MCTP2: variants seen among roughly 807,000 people sequenced by gnomAD.
The protein encoded by MCTP2 is multiple C2 and transmembrane domain-containing protein 2.
In MCTP2, 132 loss-of-function variants were observed where a neutral mutation model predicts 111.6. The ratio of observed to expected loss-of-function variants is 1.18; its 90% CI spans 1.03 to 1.37. The LOEUF is 1.37. Among genes scored for constraint, MCTP2 ranks in the 40% most tolerant of loss-of-function variants. The pLI is 0.00. For missense variants in MCTP2, 1,183 were observed against 1,067.9 expected (o/e 1.11, Z -1.50); for synonymous variants, 395 against 387.7 (o/e 1.02, Z -0.22).
Position 94,298,335 on chromosome 15 carries a change from AG to A in MCTP2, c.71del (p.Ser24ThrfsTer5). On this transcript the variant is annotated frameshift_variant, in exon 2 of 23. Coordinates refer to ENST00000357742, the MANE Select transcript of MCTP2 (RefSeq NM_001385001.1). LOFTEE classifies it high-confidence loss of function. The part of the protein sequence containing the change: ...QRTRPLLINL[S>X]KKKVKKNPSK... ...GACCAGGCCATTGTTGATCAACTTGAGCAAGAAGAAGGTGAAAAAGAACCCA... is the reference window on the plus strand; with the variant it reads ...GACCAGGCCATTGTTGATCAACTTGACAAGAAGAAGGTGAAAAAGAACCCA... 1.2e-6 allele frequency: 2 copies of A among 1,614,108 alleles called. No individual in the cohort carries two copies. The highest frequency in any genetic ancestry group is 2.7e-5 in the African/African-American group (2 of 75,012).
intron 2 of MCTP2, among the ~76,000 whole-genome samples, chr15:94,301,727 A>C (rs34997790): frequency 0.67 from 101,168 of 152,062 alleles, 33,685 homozygotes; most frequent in East Asian, 0.73. Flanking sequence ...TTTTGAAAAA[A>C]TACTCAATTT....
chr15:94,320,362 C>T (rs935788427), intron 4 of MCTP2, among the ~76,000 whole-genome samples: 11 of 151,994 alleles, frequency 7.2e-5, no homozygotes, highest in Admixed American at 3.3e-4. Context: ...AGGATGGTCT[C>T]GATCTCCTGA....
At chr15:94,268,050 A>G (rs1228203479) in intron 1 of MCTP2, among the ~76,000 whole-genome samples, 6 of 148,974 alleles carry the variant, frequency 4.0e-5, no homozygotes, top group Non-Finnish European at 8.9e-5. Context: ...CATTTTCAGT[A>G]GAGATGAGGT....
Position 94,298,747 on chromosome 15 carries a change from GCT to G in MCTP2, c.465+22_465+23del, listed in dbSNP as rs1267817307. 4 of 1,519,242 alleles carry G rather than the reference GCT, an allele frequency of 2.6e-6. No homozygotes were observed. The highest frequency in any genetic ancestry group is 2.2e-5 in the Admixed American group (1 of 46,196). The allele number at this position is 1,519,242 out of a possible 1,614,324, so 94.1% of individuals were successfully genotyped here. ...GAGCCAGAGGTGAGAATAGGGCTGG[GCT>G]CTCTTTTTTTTTGTCTCTCTCTCTC... On this transcript the variant is annotated intron_variant, in intron 2 of 22. Transcript: ENST00000357742.
At chr15:94,298,108 G>A (rs2075359049) in intron 1 of MCTP2, 93 bp from the exon 2 acceptor site, 2 of 520,498 alleles carry the variant, frequency 3.8e-6, no homozygotes, top group Non-Finnish European at 3.3e-6. Flanking sequence ...TTTGAGTCGT[G>A]TTTCTCACTT....
At chr15:94,357,278 G>A (rs1409499933) in intron 9 of MCTP2, among the ~76,000 whole-genome samples, 1 of 152,164 alleles carries the variant, frequency 6.6e-6, no homozygotes, top group East Asian at 1.9e-4. Context: ...TGAAAATTGA[G>A]GGTGTATTAA....
intron 1 of MCTP2, among the ~76,000 whole-genome samples, chr15:94,282,081 A>G (rs1009819346): frequency 2.6e-5 from 4 of 151,972 alleles, no homozygotes; most frequent in African/African-American, 9.7e-5. Flanking sequence ...TTGCAGGTTG[A>G]CCTCTTTAGT....
chr15:94,421,887 A>G (rs1264969030), intron 17 of MCTP2, among the ~76,000 whole-genome samples: 3 of 152,164 alleles, frequency 2.0e-5, no homozygotes, highest in Non-Finnish European at 4.4e-5. Flanking sequence ...TATTCTGCCT[A>G]CCACAATGAG....
At chr15:94,394,058 AAAAAAAAAAAAAAAT>A (rs2081145252) in intron 14 of MCTP2, among the ~76,000 whole-genome samples, 1 of 151,450 alleles carries the variant, frequency 6.6e-6, no homozygotes, top group Non-Finnish European at 1.5e-5. Flanking sequence ...TCAAAAAAAA[AAAAAAAAAAAAAAAT>A]GTAAAAAACG....
At chr15:94,255,993 T>C (rs910273105) in intron 1 of MCTP2, among the ~76,000 whole-genome samples, 1 of 152,212 alleles carries the variant, frequency 6.6e-6, no homozygotes, top group Non-Finnish European at 1.5e-5. Context: ...AACTTTTGTC[T>C]TTTCCTCACA....
chr15:94,385,379 C>A, intron 13 of MCTP2, 44 bp from the exon 14 acceptor site: 1 of 1,310,010 alleles, frequency 7.6e-7, no homozygotes, highest in South Asian at 1.2e-5. Context: ...GAACAGACTT[C>A]ACTTGTGTGT....
chr15:94,348,303 C>T (rs2078098215), intron 8 of MCTP2, among the ~76,000 whole-genome samples: 1 of 150,776 alleles, frequency 6.6e-6, no homozygotes, highest in African/African-American at 2.4e-5. Flanking sequence ...AGAAGACAGT[C>T]ATAGCATTTG....
intron 17 of MCTP2, among the ~76,000 whole-genome samples, chr15:94,416,498 G>A (rs1028179285): frequency 6.6e-6 from 1 of 151,896 alleles, no homozygotes; most frequent in Non-Finnish European, 1.5e-5. Context: ...ACTGTCCCTC[G>A]CACTTTCTCT....
chr15:94,257,392 G>C (rs1402607097), intron 1 of MCTP2, among the ~76,000 whole-genome samples: 2 of 151,890 alleles, frequency 1.3e-5, no homozygotes, highest in African/African-American at 4.8e-5. Flanking sequence ...TTGAAAGGAG[G>C]AATTTTGAGG....
chr15:94,308,613 G>C (rs1241470184), intron 2 of MCTP2, among the ~76,000 whole-genome samples: 1 of 152,216 alleles, frequency 6.6e-6, no homozygotes, highest in Non-Finnish European at 1.5e-5. Flanking sequence ...ATTTTTTAAA[G>C]TATCTCCTGT....
chr15:94,305,517 A>G (rs2152346198), intron 2 of MCTP2, among the ~76,000 whole-genome samples: 1 of 152,296 alleles, frequency 6.6e-6, no homozygotes, highest in Non-Finnish European at 1.5e-5. Flanking sequence ...GTGTATATAT[A>G]TACCTTTTTA....
At chr15:94,248,635 G>A (rs1009611290) in intron 1 of MCTP2, among the ~76,000 whole-genome samples, 2 of 152,176 alleles carry the variant, frequency 1.3e-5, no homozygotes, top group Non-Finnish European at 2.9e-5. Context: ...GATTCTGCCC[G>A]CTTGTGTCAA....
chr15:94,300,392 C>T (rs1488402938), intron 2 of MCTP2, among the ~76,000 whole-genome samples: 1 of 151,668 alleles, frequency 6.6e-6, no homozygotes, highest in African/African-American at 2.4e-5. Context: ...CACCTGTAGT[C>T]CCAGCTACTT....
chr15:94,420,658 G>C (rs116178088), intron 17 of MCTP2, among the ~76,000 whole-genome samples: 415 of 152,240 alleles, frequency 2.7e-3, no homozygotes, highest in African/African-American at 9.4e-3. Context: ...AAATGTGACT[G>C]AATTGCTATA....
Sources: gnomAD v4.1 joint callset for allele counts (sites outside exome capture counted in the v4.1 genomes callset) on GRCh38, gnomAD v4.1.1 for gene constraint, MANE v1.5 for transcripts, NCBI Gene and HGNC (gene_info 2026-07-23, HGNC 2026-07-21) for gene names.